Variants in CSMD3 observed in about 807,000 individuals in gnomAD.
CSMD3 encodes the protein CUB and Sushi multiple domains 3, also known as CUB and sushi domain-containing protein 3.
Under a neutral mutation model 435.2 loss-of-function variants are expected in CSMD3, and 177 were observed. The observed-to-expected ratio is 0.41, with a 90% CI of 0.36 to 0.46. The LOEUF (loss-of-function observed/expected upper bound fraction) is 0.46. CSMD3 is among the 20% of genes least tolerant of loss of function. The pLI is 0.34. For missense variants in CSMD3, 4,265 were observed against 4,504.6 expected (o/e 0.95, Z 1.52); for synonymous variants, 1,656 against 1,520.5 (o/e 1.09, Z -2.07).
intron 1 of CSMD3, among the ~76,000 whole-genome samples, chr8:113,345,417 AT>A (rs1241047261): frequency 6.6e-6 from 1 of 152,160 alleles, no homozygotes; most frequent in African/African-American, 2.4e-5. Context: ...ATAAAATTCA[AT>A]GTACTTAATA....
intron 13 of CSMD3, among the ~76,000 whole-genome samples, chr8:112,726,113 C>CT (rs1257270719): frequency 1.3e-5 from 2 of 151,930 alleles, no homozygotes; most frequent in African/African-American, 4.8e-5. Flanking sequence ...CATCAGATCT[C>CT]TTGAGAGCTC....
intron 16 of CSMD3, among the ~76,000 whole-genome samples, chr8:112,674,057 T>A (rs2075717916): frequency 6.6e-6 from 1 of 152,106 alleles, no homozygotes; most frequent in Non-Finnish European, 1.5e-5. Flanking sequence ...AAAAACTTGA[T>A]CCAGTTCAAT....
intron 2 of CSMD3, among the ~76,000 whole-genome samples, chr8:113,295,557 C>T (rs1441866641): frequency 6.6e-6 from 1 of 151,996 alleles, no homozygotes; most frequent in Non-Finnish European, 1.5e-5. Flanking sequence ...AGCAATAGGC[C>T]GATTTAGTGG....
intron 11 of CSMD3, among the ~76,000 whole-genome samples, chr8:112,855,208 T>A (rs2080612426): frequency 6.6e-6 from 1 of 152,144 alleles, no homozygotes; most frequent in Admixed American, 6.5e-5. Flanking sequence ...TCCATTTGTA[T>A]CGGCTAGACC....
At chr8:113,344,721 T>A (rs985534361) in intron 1 of CSMD3, among the ~76,000 whole-genome samples, 1 of 152,138 alleles carries the variant, frequency 6.6e-6, no homozygotes, top group African/African-American at 2.4e-5. Flanking sequence ...GCAACTGGTG[T>A]TCATAAATCC....
intron 1 of CSMD3, among the ~76,000 whole-genome samples, chr8:113,407,732 A>G (rs994764108): frequency 1.3e-5 from 2 of 152,124 alleles, no homozygotes; most frequent in Non-Finnish European, 2.9e-5. Context: ...AACACAGACC[A>G]TCGTAGGTAG....
rs75328630 is a variant in CSMD3 at position 112,362,259 on chromosome 8, T to A, written c.6137-9725A>T. Among the ~76,000 whole-genome samples the A allele has an allele frequency of 9.4e-3, 1,429 of 152,144 alleles. 11 individuals are homozygous for A. Among genetic ancestry groups the A allele is most frequent in the Admixed American group, 0.018 (271 of 15,272 alleles). On this transcript the variant is annotated intron_variant, in intron 38 of 70. Coordinates refer to ENST00000297405, the MANE Select transcript of CSMD3 (RefSeq NM_198123.2). ...ATCATGTAACAAGTAACTTCATGAA[T>A]GTTTGTGGATAAACTTTTTTGGAAG...
At chr8:112,386,748 C>T (rs867334146) in intron 36 of CSMD3, among the ~76,000 whole-genome samples, 2 of 152,098 alleles carry the variant, frequency 1.3e-5, no homozygotes, top group Admixed American at 6.5e-5. Context: ...CCGCCCGCCT[C>T]GGCCCCCCAA....
intron 50 of CSMD3, among the ~76,000 whole-genome samples, chr8:112,309,845 T>C (rs146057417): frequency 1.3e-5 from 2 of 152,300 alleles, no homozygotes; most frequent in African/African-American, 4.8e-5. Context: ...ACCTATTCTT[T>C]AGCTAATTTT....
chr8:112,381,473 G>A (rs1394348931), intron 37 of CSMD3, among the ~76,000 whole-genome samples: 1 of 152,132 alleles, frequency 6.6e-6, no homozygotes, highest in African/African-American at 2.4e-5. Flanking sequence ...ATAAACAAGC[G>A]CTAATTCTAC....
chr8:113,381,125 T>G (rs2094413391), intron 1 of CSMD3, among the ~76,000 whole-genome samples: 1 of 152,156 alleles, frequency 6.6e-6, no homozygotes, highest in Admixed American at 6.6e-5. Context: ...TTTAGAAGAT[T>G]TTTTTCTTTA....
At chr8:112,442,298 G>A (rs1434090939) in intron 32 of CSMD3, among the ~76,000 whole-genome samples, 1 of 152,074 alleles carries the variant, frequency 6.6e-6, no homozygotes, top group South Asian at 2.1e-4. Flanking sequence ...CTCCAATATT[G>A]GGAATCACCT....
At chr8:113,179,044 A>G (rs977201056) in intron 3 of CSMD3, among the ~76,000 whole-genome samples, 39 of 151,816 alleles carry the variant, frequency 2.6e-4, no homozygotes, top group Non-Finnish European at 7.4e-5. Context: ...GCATGATATA[A>G]AGTGTGTAAG....
At chr8:112,998,627 A>T (rs1337349140) in intron 6 of CSMD3, among the ~76,000 whole-genome samples, 1 of 152,046 alleles carries the variant, frequency 6.6e-6, no homozygotes, top group East Asian at 1.9e-4. Flanking sequence ...GTTTTCCTAA[A>T]TTTCATCACT....
rs1332602058 is a variant in CSMD3, at chr8:112,408,307, G to A, written c.5605+11C>T. 1.3e-6 allele frequency: 2 copies of A among 1,516,796 alleles called. No individual in the cohort carries two copies. Among genetic ancestry groups the A allele is most frequent in the Non-Finnish European group, 9.2e-7 (1 of 1,091,746 alleles). The allele number at this position is 1,516,796 out of a possible 1,614,324, so 94.0% of individuals were successfully genotyped here. On this transcript the variant is annotated intron_variant, in intron 34 of 70. Coordinates refer to ENST00000297405, the MANE Select transcript of CSMD3 (RefSeq NM_198123.2). The stretch of plus-strand genomic sequence containing the variant: ...TTCCTTAGTGTGTTTCTAGACTACA[G>A]GGTCACTTACCTTGGTAAACAAAGT...
intron 19 of CSMD3, 76 bp from the exon 20 acceptor site, chr8:112,645,301 T>C (rs1466872417): frequency 4.8e-6 from 4 of 841,158 alleles, no homozygotes; most frequent in East Asian, 4.8e-5. Flanking sequence ...ATCTCCTCTC[T>C]TGAATTGAGC....
chr8:112,506,721 G>T lies in CSMD3; in HGVS notation c.4865C>A (p.Ala1622Glu), dbSNP rs748753923. The change falls in exon 29 of 71, where the codon GCA (alanine) becomes GAA (glutamate). Residue 1622 changes from alanine to glutamate, a missense_variant. Around this residue, in one of 3 missense-constraint regions of CSMD3, gnomAD observed 3,255 missense variants for 3,380.2 expected, o/e 0.96. Transcript: ENST00000297405. ...RDCDWTITVN[A>E]DYVISLAFIS... ...GAACGCCAAGGAGATAACATAGTCT[G>T]CATTGACGGTGATAGTCCAGTCACA... is the stretch of plus-strand genomic sequence containing the variant. The T allele has an allele frequency of 1.2e-6, 2 of 1,613,424 alleles. No individual in the cohort carries two copies. The highest frequency in any genetic ancestry group is 1.3e-5 in the African/African-American group (1 of 74,898).
rs113697374 is a variant in CSMD3, at chr8:112,660,742, T to G, written c.2817-4401A>C. On this transcript the variant is annotated intron_variant, in intron 17 of 70. Transcript: ENST00000297405. ...AGGTAGATTCAAAGGAAATATGTGATATAAATGTGCTCTGTTTATTCTAAA... is the reference window on the plus strand; with the variant it reads ...AGGTAGATTCAAAGGAAATATGTGAGATAAATGTGCTCTGTTTATTCTAAA... Among the ~76,000 whole-genome samples, 598 of 152,338 alleles carry G rather than the reference T, an allele frequency of 3.9e-3. 4 individuals carry two copies. The highest frequency in any genetic ancestry group is 0.013 in the African/African-American group (531 of 41,584).
intron 45 of CSMD3, among the ~76,000 whole-genome samples, chr8:112,320,928 G>C (rs1586761627): frequency 6.6e-6 from 1 of 152,152 alleles, no homozygotes; most frequent in South Asian, 2.1e-4. Context: ...GATATCACTT[G>C]AACAGTTCAT....
Sources: gnomAD v4.1 joint callset for allele counts (sites outside exome capture counted in the v4.1 genomes callset) on GRCh38, gnomAD v4.1.1 for gene constraint, gnomAD v4.1.1 regional missense constraint, MANE v1.5 for transcripts, NCBI Gene and HGNC (gene_info 2026-07-23, HGNC 2026-07-21) for gene names.